SKIC8: variants seen among roughly 807,000 people sequenced by gnomAD.
SKIC8 encodes the protein SKI8 subunit of superkiller complex.
chr15:78,289,498 T>A, the SKIC8 span: 2 of 745,458 alleles, frequency 2.7e-6, no homozygotes, highest in South Asian at 3.7e-5. Context: ...AGTTTTCCAA[T>A]TGAGATTGAT....
chr15:78,285,091 G>A, the SKIC8 span: 1 of 627,934 alleles, frequency 1.6e-6, no homozygotes, highest in Non-Finnish European at 2.8e-6. Context: ...CTGCACCCCA[G>A]ACTCTGCACA....
the SKIC8 span, among the ~76,000 whole-genome samples, chr15:78,297,256 G>A: frequency 6.6e-6 from 1 of 152,192 alleles, no homozygotes; most frequent in Non-Finnish European, 1.5e-5. Context: ...TACAATATGA[G>A]AGTTGACAAG....
At chr15:78,285,270 G>A in the SKIC8 span, 1 of 1,613,990 alleles carries the variant, frequency 6.2e-7, no homozygotes. Context: ...CCTGATCCTG[G>A]TGATCAAAGA....
At chr15:78,289,997 TC>T in the SKIC8 span, 2 of 1,614,050 alleles carry the variant, frequency 1.2e-6, no homozygotes, top group African/African-American at 2.7e-5. Context: ...CAAAGAATAT[TC>T]CTTTTTCCCA....
At chr15:78,283,467 C>A in the SKIC8 span, 1 of 1,613,892 alleles carries the variant, frequency 6.2e-7, no homozygotes, top group African/African-American at 1.3e-5. Flanking sequence ...ATTTCCTGGT[C>A]ATCTCCAACA....
chr15:78,293,866 A>G, the SKIC8 span, among the ~76,000 whole-genome samples: 1 of 152,126 alleles, frequency 6.6e-6, no homozygotes, highest in Non-Finnish European at 1.5e-5. Flanking sequence ...TAGGATTCAA[A>G]TCCAATCTCT....
At chr15:78,299,276 C>A in the SKIC8 span, among the ~76,000 whole-genome samples, 3 of 152,204 alleles carry the variant, frequency 2.0e-5, no homozygotes, top group Admixed American at 6.5e-5. Flanking sequence ...AAATGATCTC[C>A]TCCGCAGAGA....
the SKIC8 span, chr15:78,292,561 T>C: frequency 6.2e-7 from 1 of 1,611,228 alleles, no homozygotes; most frequent in South Asian, 1.1e-5. Flanking sequence ...TCCCTAAAGA[T>C]TTTGGAAAAG....
the SKIC8 span, chr15:78,288,216 C>CT: frequency 1.3e-6 from 2 of 1,526,506 alleles, no homozygotes; most frequent in South Asian, 2.3e-5. Flanking sequence ...GGGCTCCTCC[C>CT]TAGGGCTCCT....
chr15:78,292,831 C>G, the SKIC8 span: 3 of 1,604,248 alleles, frequency 1.9e-6, no homozygotes, highest in Admixed American at 3.3e-5. Flanking sequence ...ACAAAGAACA[C>G]ACTTTACCTG....
At chr15:78,283,516 C>T in the SKIC8 span, 1 of 1,610,270 alleles carries the variant, frequency 6.2e-7, no homozygotes, top group Non-Finnish European at 8.5e-7. Context: ...ATTTTACTCC[C>T]CAGACCTGTA....
the SKIC8 span, among the ~76,000 whole-genome samples, chr15:78,298,581 G>GC: frequency 6.6e-6 from 1 of 152,026 alleles, no homozygotes; most frequent in African/African-American, 2.4e-5. Context: ...CTCTTATTGT[G>GC]CCTAATTTAC....
the SKIC8 span, chr15:78,292,064 A>T: frequency 4.7e-3 from 729 of 153,936 alleles, 6 homozygotes; most frequent in African/African-American, 0.017. Context: ...AACAAAAAAA[A>T]TTGATGTTTC....
chr15:78,292,873 C>T, the SKIC8 span: 1 of 1,449,756 alleles, frequency 6.9e-7, no homozygotes, highest in South Asian at 1.2e-5. Flanking sequence ...TGTGACTATG[C>T]AATACCAATG....
At chr15:78,293,297 TAA>T in the SKIC8 span, 10 of 1,602,226 alleles carry the variant, frequency 6.2e-6, no homozygotes, top group African/African-American at 4.0e-5. Context: ...GCTTCATTTA[TAA>T]AGTCTTCTTG....
chr15:78,294,540 C>T, the SKIC8 span: 1 of 209,942 alleles, frequency 4.8e-6, no homozygotes, highest in Admixed American at 5.3e-5. Flanking sequence ...TTATAGGCTT[C>T]ACTTTCATTA....
the SKIC8 span, chr15:78,295,147 A>G: frequency 1.4e-6 from 1 of 698,140 alleles, no homozygotes; most frequent in East Asian, 2.7e-5. Flanking sequence ...CAAGATTTGT[A>G]CAGTCATATC....
the SKIC8 span, chr15:78,283,519 G>C: frequency 5.6e-6 from 9 of 1,608,782 alleles, no homozygotes; most frequent in African/African-American, 1.2e-4. Context: ...TTACTCCCCA[G>C]ACCTGTAAAT....
At chr15:78,297,252 A>G in the SKIC8 span, among the ~76,000 whole-genome samples, 1 of 152,206 alleles carries the variant, frequency 6.6e-6, no homozygotes, top group East Asian at 1.9e-4. Flanking sequence ...TGCTTACAAT[A>G]TGAGAGTTGA....
Sources: gnomAD v4.1 joint callset for allele counts (sites outside exome capture counted in the v4.1 genomes callset) on GRCh38, gnomAD v4.1.1 for gene constraint, MANE v1.5 for transcripts, NCBI Gene and HGNC (gene_info 2026-07-23, HGNC 2026-07-21) for gene names.